THSD4: variants seen among roughly 807,000 people sequenced by gnomAD.
The protein encoded by THSD4 is thrombospondin type 1 domain containing 4.
THSD4 carries 69 observed loss-of-function variants against 119.0 expected under a neutral mutation model. The observed-to-expected ratio is 0.58, with a 90% CI of 0.48 to 0.71. The LOEUF (loss-of-function observed/expected upper bound fraction) is 0.71, where lower values mean the gene tolerates loss of function less well. THSD4 is among the 30% of genes least tolerant of loss of function. The pLI is 0.00. For missense variants in THSD4, 1,393 were observed against 1,391.1 expected, an observed-to-expected ratio of 1.00 and a Z score of -0.02; for synonymous variants, 524 against 540.4, an observed-to-expected ratio of 0.97 and a Z score of 0.42.
intron 1 of THSD4, among the ~76,000 whole-genome samples, chr15:71,109,782 C>T (rs553891722): frequency 3.3e-5 from 5 of 150,896 alleles, no homozygotes; most frequent in African/African-American, 1.2e-4. Flanking sequence ...GCAGCACTGT[C>T]TGGTGAGCCG....
At chr15:71,680,801 A>C (rs2051758616) in intron 8 of THSD4, among the ~76,000 whole-genome samples, 1 of 152,224 alleles carries the variant, frequency 6.6e-6, no homozygotes, top group Non-Finnish European at 1.5e-5. Context: ...ATTGACAATA[A>C]TATTTATCTC....
chr15:71,609,056 G>A (rs1394902826), intron 7 of THSD4, among the ~76,000 whole-genome samples: 1 of 152,136 alleles, frequency 6.6e-6, no homozygotes, highest in Non-Finnish European at 1.5e-5. Context: ...TCTTCTTAGT[G>A]CTGGCTTATC....
rs146221578 is a variant in THSD4, at chr15:71,181,013, C to A, written c.99+26081C>A. On this transcript the variant is annotated intron_variant, in intron 3 of 17. Transcript: ENST00000261862. ...CCAGTACTGAAATGGCAATAAAAGT[C>A]TCTGGAACAGTGTGAGATTGTCCCT... 9.5e-3 allele frequency among the ~76,000 whole-genome samples: 1,445 copies of A among 152,232 alleles called. 7 individuals are homozygous for A. The highest frequency in any genetic ancestry group is 0.014 in the Non-Finnish European group (979 of 68,012).
intron 7 of THSD4, among the ~76,000 whole-genome samples, chr15:71,566,986 C>T (rs1465512627): frequency 6.6e-6 from 1 of 152,034 alleles, no homozygotes; most frequent in South Asian, 2.1e-4. Context: ...GAGCAAGGGA[C>T]CAACCCTCTC....
At chr15:71,665,241 A>G (rs948560734) in intron 8 of THSD4, among the ~76,000 whole-genome samples, 1 of 152,134 alleles carries the variant, frequency 6.6e-6, no homozygotes, top group Admixed American at 6.5e-5. Context: ...TTCTCTAATG[A>G]TTAGTGATAT....
chr15:71,751,134 C>G (rs746708141), intron 14 of THSD4, among the ~76,000 whole-genome samples: 13 of 152,236 alleles, frequency 8.5e-5, no homozygotes, highest in Non-Finnish European at 1.8e-4. Context: ...GGAACCCCTT[C>G]CACTTTCTCC....
rs1423992273 is a variant in THSD4, at chr15:71,115,673, G to A, written c.-105G>A. ...GGCGAGGCGAGGCGAGGCGGCCGCC[G>A]GTCGCTCCGGGACGCGGACCGCCAG... On this transcript the variant is annotated 5_prime_UTR_variant, in exon 1 of 18. Transcript: ENST00000261862. This position sits in a 1 kb window ranked among gnomAD's most constrained non-coding sequence, Gnocchi z 4.4. 1 of 146,902 alleles carries A rather than the reference G, an allele frequency of 6.8e-6. No homozygotes were observed. Among genetic ancestry groups the A allele is most frequent in the Non-Finnish European group, 1.5e-5 (1 of 66,042 alleles). 9.1% of individuals were successfully genotyped at this position (146,902 alleles called of 1,614,324 possible). A position where few individuals can be genotyped will look rare whatever the true frequency, so the allele number is the denominator to read the frequency against.
At chr15:71,649,234 C>G (rs924623861) in intron 7 of THSD4, among the ~76,000 whole-genome samples, 1 of 152,080 alleles carries the variant, frequency 6.6e-6, no homozygotes, top group African/African-American at 2.4e-5. Context: ...GGAAGCAAAA[C>G]TAGGCTTTTC....
chr15:71,228,673 T>G (rs1266329876), intron 4 of THSD4, among the ~76,000 whole-genome samples: 1 of 152,182 alleles, frequency 6.6e-6, no homozygotes, highest in Non-Finnish European at 1.5e-5. Context: ...GAGCAGGGAT[T>G]TAAACCAGAG....
intron 7 of THSD4, among the ~76,000 whole-genome samples, chr15:71,545,669 T>G (rs1413980265): frequency 6.6e-6 from 1 of 152,190 alleles, no homozygotes; most frequent in Non-Finnish European, 1.5e-5. Flanking sequence ...TTTAGTTAGG[T>G]AGCAGAACAG....
chr15:71,534,381 A>G (rs945573080), intron 7 of THSD4, among the ~76,000 whole-genome samples: 7 of 152,210 alleles, frequency 4.6e-5, no homozygotes, highest in African/African-American at 1.7e-4. Context: ...GAACGTAGCA[A>G]CGTGTTATTT....
At chr15:71,646,730 C>G (rs753005015) in intron 7 of THSD4, among the ~76,000 whole-genome samples, 1 of 152,134 alleles carries the variant, frequency 6.6e-6, no homozygotes, top group Non-Finnish European at 1.5e-5. Context: ...TTTATGACAG[C>G]AAAGTATTTT....
At chr15:71,748,697 T>G in intron 14 of THSD4, 103 bp downstream of exon 14, 4 of 1,418,360 alleles carry the variant, frequency 2.8e-6, no homozygotes, top group Non-Finnish European at 3.8e-6. Context: ...GACTGATTTC[T>G]GGCTCTGGGG....
At chr15:71,720,032 T>TCTC (rs1555445413) in intron 8 of THSD4, among the ~76,000 whole-genome samples, 2 of 64,902 alleles carry the variant, frequency 3.1e-5, no homozygotes, top group African/African-American at 5.6e-5. Context: ...CTTTTTTTTT[T>TCTC]TTTCTTTTTT....
chr15:71,402,481 G>A (rs1421941034), intron 6 of THSD4, among the ~76,000 whole-genome samples: 2 of 152,162 alleles, frequency 1.3e-5, no homozygotes, highest in East Asian at 3.9e-4. Context: ...GTTCCTTGGG[G>A]CACAACACCT....
intron 7 of THSD4, among the ~76,000 whole-genome samples, chr15:71,603,400 G>A (rs1234229852): frequency 6.6e-6 from 1 of 152,202 alleles, no homozygotes; most frequent in Non-Finnish European, 1.5e-5. Flanking sequence ...ACTTCCCGTG[G>A]CTCCACCCCG....
intron 10 of THSD4, chr15:71,731,550 A>G: frequency 3.6e-6 from 1 of 276,426 alleles, no homozygotes; most frequent in South Asian, 4.9e-5. Flanking sequence ...AGGCCGACGC[A>G]GGTGGATCGC....
At chr15:71,307,277 G>T (rs1456372220) in intron 6 of THSD4, among the ~76,000 whole-genome samples, 3 of 152,134 alleles carry the variant, frequency 2.0e-5, no homozygotes, top group Non-Finnish European at 2.9e-5. Context: ...CATAGTTATG[G>T]CGGTGGCTGT....
At chr15:71,644,066 G>A (rs1293077607) in intron 7 of THSD4, among the ~76,000 whole-genome samples, 1 of 152,182 alleles carries the variant, frequency 6.6e-6, no homozygotes, top group Non-Finnish European at 1.5e-5. Flanking sequence ...GAAAGCCACT[G>A]ACCTGTCTCA....
Sources: gnomAD v4.1 joint callset for allele counts (sites outside exome capture counted in the v4.1 genomes callset) on GRCh38, gnomAD v4.1.1 for gene constraint, Gnocchi (gnomAD v3.1) non-coding constraint, MANE v1.5 for transcripts, NCBI Gene and HGNC (gene_info 2026-07-23, HGNC 2026-07-21) for gene names.